The following CDK2AP1 variants were observed in gnomAD, a reference collection of about 807,000 sequenced individuals.
The protein encoded by CDK2AP1 is cyclin-dependent kinase 2-associated protein 1.
In CDK2AP1, 10 loss-of-function variants were observed where a neutral mutation model predicts 14.1. The ratio of observed to expected loss-of-function variants is 0.71; its 90% CI spans 0.44 to 1.20. CDK2AP1 has a LOEUF of 1.20. CDK2AP1 is among the 50% of genes most tolerant of loss of function. The pLI, the probability that CDK2AP1 is intolerant of heterozygous loss-of-function variation, is 0.00. For missense variants in CDK2AP1, 102 were observed against 149.9 expected (o/e 0.68, Z 1.67); for synonymous variants, 59 against 59.8 (o/e 0.99, Z 0.06).
rs760290183 is a variant in CDK2AP1 at position 123,268,259 on chromosome 12, G to A, written c.56-977C>T. 5.1e-5 allele frequency: 50 copies of A among 985,340 alleles called. No individual in the cohort carries two copies. The East Asian group carries it at 6.8e-4, about 13-fold the overall frequency. The allele number at this position is 985,340 out of a possible 1,614,324, so 61.0% of individuals were successfully genotyped here. A position where few individuals can be genotyped will look rare whatever the true frequency, so the allele number is the denominator to read the frequency against. Reference sequence around the variant, plus strand: ...CAGTGGGCGCCGCAGACTTGGCCTCGGGGACAGACAGCTGGTGCCAGGCTG... The same window carrying A: ...CAGTGGGCGCCGCAGACTTGGCCTCAGGGACAGACAGCTGGTGCCAGGCTG... On this transcript the variant is annotated intron_variant, in intron 1 of 3. Coordinates refer to ENST00000261692, the MANE Select transcript of CDK2AP1 (RefSeq NM_004642.4).
intron 1 of CDK2AP1, chr12:123,269,046 C>T (rs1446307764): frequency 6.6e-6 from 1 of 152,420 alleles, no homozygotes; most frequent in Non-Finnish European, 1.5e-5. Context: ...CACGCACCCT[C>T]GCATTCCCTC....
chr12:123,270,893 G>C (rs1172586559), intron 1 of CDK2AP1: 16 of 984,956 alleles, frequency 1.6e-5, no homozygotes, highest in Non-Finnish European at 1.9e-5. Context: ...TCACCTTACG[G>C]GGGTCCCCGC....
At chr12:123,263,217 A>C (rs554299093) in intron 3 of CDK2AP1, among the ~76,000 whole-genome samples, 6 of 151,340 alleles carry the variant, frequency 4.0e-5, no homozygotes, top group African/African-American at 7.3e-5. Context: ...TCTCAAAAAA[A>C]AAAAAAAAAC....
At chr12:123,263,225 A>C (rs945835529) in intron 3 of CDK2AP1, among the ~76,000 whole-genome samples, 4 of 151,084 alleles carry the variant, frequency 2.6e-5, no homozygotes, top group Non-Finnish European at 5.9e-5. Context: ...AAAAAAAAAA[A>C]ACAAAAAAAA....
rs2048282830 is a variant in CDK2AP1, at chr12:123,265,627, C to G, written c.154-305G>C. On this transcript the variant is annotated intron_variant, in intron 2 of 3. Coordinates refer to ENST00000261692, the MANE Select transcript of CDK2AP1 (RefSeq NM_004642.4). The surrounding 1 kb of genome is among the most constrained non-coding windows in gnomAD (Gnocchi z 5.3). ...AGCCTCAGACTTCTGGGGCAGCCACCTCAGCTGGGCCAAGGCACGTCCCAT... is the reference window on the plus strand; with the variant it reads ...AGCCTCAGACTTCTGGGGCAGCCACGTCAGCTGGGCCAAGGCACGTCCCAT... 6.6e-6 allele frequency among the ~76,000 whole-genome samples: 1 copy of G among 152,130 alleles called. No individual in the cohort carries two copies. Among genetic ancestry groups the G allele is most frequent in the Admixed American group, 6.6e-5 (1 of 15,266 alleles).
At chr12:123,262,722 C>T (rs905803662) in intron 3 of CDK2AP1, among the ~76,000 whole-genome samples, 12 of 152,158 alleles carry the variant, frequency 7.9e-5, no homozygotes, top group African/African-American at 2.9e-4. Context: ...ACTATAGGCA[C>T]GCACCACCAT....
At chr12:123,263,082 TG>T (rs1337000195) in intron 3 of CDK2AP1, among the ~76,000 whole-genome samples, 1 of 151,030 alleles carries the variant, frequency 6.6e-6, no homozygotes, top group African/African-American at 2.4e-5. Context: ...GGCGTGGTGG[TG>T]GGCGCCTATA....
At chr12:123,270,917 G>A (rs139263519) in intron 1 of CDK2AP1, 12,775 of 985,134 alleles carry the variant, frequency 0.013, 158 homozygotes, top group African/African-American at 0.065. Context: ...ACCGCATGGG[G>A]TAGCCCCTGC....
At position 123,267,287 on chromosome 12, in the gene CDK2AP1, G is replaced by A. The variant is rs2048307347; in HGVS notation, c.56-5C>T. 2 of 1,592,828 alleles carry A rather than the reference G, an allele frequency of 1.3e-6. No homozygotes were observed. The highest frequency in any genetic ancestry group is 1.3e-5 in the African/African-American group (1 of 74,486). ...AAGGCGAGTGGACACTCCCAGCTGT[G>A]GGGTGGGGAGAGAGAGGCCAGGAGT... On this transcript the variant is annotated splice_region_variant and splice_polypyrimidine_tract_variant and intron_variant, in intron 1 of 3. Coordinates refer to ENST00000261692, the MANE Select transcript of CDK2AP1 (RefSeq NM_004642.4).
intron 3 of CDK2AP1, among the ~76,000 whole-genome samples, chr12:123,262,982 G>T (rs2048248234): frequency 6.6e-6 from 1 of 151,804 alleles, no homozygotes; most frequent in Non-Finnish European, 1.5e-5. Context: ...CGGAGGCCGG[G>T]GCGGGTTGCC....
chr12:123,265,196 C>T lies in CDK2AP1; in HGVS notation c.280G>A (p.Gly94Ser), dbSNP rs201608671. Residue 94 changes from glycine (G) to serine (S), a missense_variant and splice_region_variant, in exon 3 of 4, where the codon GGC becomes AGC. This residue lies in a region of CDK2AP1 where 52 missense variants were observed against 107.2 expected (regional missense o/e 0.48). Coordinates refer to ENST00000261692, the MANE Select transcript of CDK2AP1 (RefSeq NM_004642.4). The surrounding 1 kb of genome is among the most constrained non-coding windows in gnomAD (Gnocchi z 5.3). Reference sequence around the variant, plus strand: ...GACAGGGCAGCGGGGCCGGGCTTACCGCGCTTCAGCCTCTCCATGGCACTC... The same window carrying T: ...GACAGGGCAGCGGGGCCGGGCTTACTGCGCTTCAGCCTCTCCATGGCACTC... ...SKSAMERLKR[G>S]IIHARGLVRE... 6.8e-6 allele frequency: 11 copies of T among 1,614,170 alleles called. No homozygotes were observed. Among genetic ancestry groups the T allele is most frequent in the African/African-American group, 1.3e-5 (1 of 75,054 alleles).
intron 1 of CDK2AP1, among the ~76,000 whole-genome samples, chr12:123,270,514 C>T (rs972652713): frequency 6.6e-6 from 1 of 152,180 alleles, no homozygotes; most frequent in African/African-American, 2.4e-5. Context: ...CCCATCCCGC[C>T]CCGCAACACA....
At chr12:123,270,985 C>A in intron 1 of CDK2AP1, 1 of 984,826 alleles carries the variant, frequency 1.0e-6, no homozygotes, top group Non-Finnish European at 1.2e-6. Context: ...CCGGCGACCC[C>A]ATCCTGGTCC....
chr12:123,261,832 G>T (rs754983757), intron 3 of CDK2AP1, 29 bp from the exon 4 acceptor site: 3 of 1,514,374 alleles, frequency 2.0e-6, no homozygotes, highest in Non-Finnish European at 2.8e-6. Context: ...CCTGAGGTCA[G>T]CAAGTGCACA....
At chr12:123,270,390 G>A (rs1487594102) in intron 1 of CDK2AP1, among the ~76,000 whole-genome samples, 1 of 151,992 alleles carries the variant, frequency 6.6e-6, no homozygotes, top group African/African-American at 2.4e-5. Context: ...TCCCACTTCC[G>A]ATTTGGGGGG....
At chr12:123,263,197 C>T (rs1291190157) in intron 3 of CDK2AP1, among the ~76,000 whole-genome samples, 2 of 142,106 alleles carry the variant, frequency 1.4e-5, no homozygotes, top group Non-Finnish European at 3.0e-5. Flanking sequence ...GGTGATAGAG[C>T]GAGACTCTGT....
At chr12:123,271,221 G>T in intron 1 of CDK2AP1, 1 of 157,324 alleles carries the variant, frequency 6.4e-6, no homozygotes, top group Non-Finnish European at 1.3e-5. Flanking sequence ...AGGGGCCCTC[G>T]CCGAGCCGCC....
chr12:123,270,278 A>G (rs1029038432), intron 1 of CDK2AP1: 1 of 683,270 alleles, frequency 1.5e-6, no homozygotes, highest in Non-Finnish European at 1.8e-6. Flanking sequence ...CTCCGAGCCC[A>G]CAAGTGAGCA....
Position 123,261,613 on chromosome 12 carries a change from A to G in CDK2AP1, c.*123T>C. 1.3e-6 allele frequency: 1 copy of G among 748,172 alleles called. No individual in the cohort carries two copies. Among genetic ancestry groups the G allele is most frequent in the Non-Finnish European group, 2.3e-6 (1 of 429,120 alleles). The allele number at this position is 748,172 out of a possible 1,614,324, so 46.3% of individuals were successfully genotyped here. On this transcript the variant is annotated 3_prime_UTR_variant, in exon 4 of 4. Coordinates refer to ENST00000261692, the MANE Select transcript of CDK2AP1 (RefSeq NM_004642.4). ...AGACTGTAGGTTCAGAGCCAAGTGA[A>G]CCATGGGAGGAAAAACGAAACTGTA... is the stretch of plus-strand genomic sequence containing the variant.
Sources: gnomAD v4.1 joint callset for allele counts (sites outside exome capture counted in the v4.1 genomes callset) on GRCh38, gnomAD v4.1.1 for gene constraint, gnomAD v4.1.1 regional missense constraint, Gnocchi (gnomAD v3.1) non-coding constraint, MANE v1.5 for transcripts, NCBI Gene and HGNC (gene_info 2026-07-23, HGNC 2026-07-21) for gene names.